Variants in CRTAC1 observed in about 807,000 individuals in gnomAD.
CRTAC1 encodes the protein cartilage acidic protein 1, also known as acidic secreted protein in cartilage.
Under a neutral mutation model 67.8 loss-of-function variants are expected in CRTAC1, and 37 were observed. The observed-to-expected ratio is 0.55, with a 90% CI of 0.42 to 0.72. The LOEUF is 0.72. Ranked by LOEUF, CRTAC1 falls within the 30% of genes least tolerant of loss-of-function variation. The pLI is 0.00. For missense variants in CRTAC1, 780 were observed against 931.6 expected, an observed-to-expected ratio of 0.84 and a Z score of 2.12; for synonymous variants, 348 against 371.0, an observed-to-expected ratio of 0.94 and a Z score of 0.71.
intron 8 of CRTAC1, among the ~76,000 whole-genome samples, chr10:97,897,942 G>A (rs1248013882): frequency 6.6e-6 from 1 of 152,204 alleles, no homozygotes; most frequent in Non-Finnish European, 1.5e-5. Flanking sequence ...GAGGGGGTCG[G>A]AGTCCCCTGA....
intron 8 of CRTAC1, among the ~76,000 whole-genome samples, chr10:97,898,167 T>C (rs912734812): frequency 1.3e-5 from 2 of 152,356 alleles, no homozygotes; most frequent in South Asian, 4.1e-4. Flanking sequence ...TTCCACTGTA[T>C]TTCTGTGTTC....
At chr10:97,963,208 C>T (rs975922334) in intron 2 of CRTAC1, among the ~76,000 whole-genome samples, 1 of 152,156 alleles carries the variant, frequency 6.6e-6, no homozygotes, top group African/African-American at 2.4e-5. Flanking sequence ...GGCGTCCCAA[C>T]CCTCCCTACT....
At chr10:98,000,340 C>A (rs950533944) in intron 2 of CRTAC1, among the ~76,000 whole-genome samples, 1 of 152,234 alleles carries the variant, frequency 6.6e-6, no homozygotes, top group Non-Finnish European at 1.5e-5. Context: ...CAGTTCCCAG[C>A]ATCTCTAAGC....
chr10:97,903,237 T>C (rs939430814), intron 7 of CRTAC1, among the ~76,000 whole-genome samples: 2 of 146,162 alleles, frequency 1.4e-5, no homozygotes, highest in Non-Finnish European at 3.0e-5. Context: ...CTTTGTGCAC[T>C]GTAGGGTGTT....
intron 4 of CRTAC1, among the ~76,000 whole-genome samples, chr10:97,919,052 C>T (rs563003926): frequency 1.3e-5 from 2 of 152,158 alleles, no homozygotes; most frequent in Admixed American, 6.5e-5. Flanking sequence ...CCTCAGCCTC[C>T]CAAAGTGCTG....
intron 3 of CRTAC1, among the ~76,000 whole-genome samples, chr10:97,934,695 G>C (rs1196104494): frequency 6.6e-6 from 1 of 152,166 alleles, no homozygotes; most frequent in Non-Finnish European, 1.5e-5. Flanking sequence ...CCTCCAGGAG[G>C]TTGGGAGGTC....
intron 5 of CRTAC1, among the ~76,000 whole-genome samples, chr10:97,911,476 A>G (rs1188194895): frequency 1.3e-5 from 2 of 152,196 alleles, no homozygotes; most frequent in African/African-American, 4.8e-5. Context: ...GATGTTACCC[A>G]CACCTCCTTC....
intron 1 of CRTAC1, among the ~76,000 whole-genome samples, chr10:98,023,000 A>G (rs557797328): frequency 6.6e-6 from 1 of 152,248 alleles, no homozygotes; most frequent in African/African-American, 2.4e-5. Context: ...CACTATTTAA[A>G]AGGATCCTCC....
At position 97,904,962 on chromosome 10, in the gene CRTAC1, C is replaced by T. The variant is rs942841131; in HGVS notation, c.851-148G>A. 6.6e-5 allele frequency: 60 copies of T among 903,210 alleles called. No individual in the cohort carries two copies. In the South Asian group the frequency reaches 6.9e-4, roughly 10 times the overall value. 55.9% of individuals were successfully genotyped at this position (903,210 alleles called of 1,614,324 possible). The stretch of plus-strand genomic sequence containing the variant: ...GATACGGGAGACATAGCTGCAGTCT[C>T]AGAAGCTCTCTATAGGGGCAGGAAG... On this transcript the variant is annotated intron_variant, in intron 6 of 14. Transcript: ENST00000370597.
intron 5 of CRTAC1, among the ~76,000 whole-genome samples, chr10:97,914,221 T>TGG (rs2050727423): frequency 6.6e-6 from 1 of 152,092 alleles, no homozygotes; most frequent in Non-Finnish European, 1.5e-5. Context: ...ACTGGAGGTT[T>TGG]GGGGGGACAC....
chr10:97,879,865 T>TGGGGGGGG, intron 14 of CRTAC1: 7 of 226,622 alleles, frequency 3.1e-5, no homozygotes, highest in Non-Finnish European at 5.2e-5. Flanking sequence ...GGGGACGGGG[T>TGGGGGGGG]GGGGGTGGAG....
Position 98,030,398 on chromosome 10 carries a change from T to C in CRTAC1, c.24+51A>G, listed in dbSNP as rs534770105. The C allele has an allele frequency of 1.1e-5, 13 of 1,168,876 alleles. No homozygotes were observed. In the African/African-American group the frequency reaches 2.1e-4, roughly 19 times the overall value. 72.4% of individuals were successfully genotyped at this position (1,168,876 alleles called of 1,614,324 possible). A position where few individuals can be genotyped will look rare whatever the true frequency, so the allele number is the denominator to read the frequency against. ...GCGGATCCGGGGGGGCGCGCAGAGC[T>C]GGAGAAACTTTCTCCGCCTTAGGGT... On this transcript the variant is annotated intron_variant, in intron 1 of 14. Coordinates refer to ENST00000370597, the MANE Select transcript of CRTAC1 (RefSeq NM_018058.7). The surrounding 1 kb of genome is among the most constrained non-coding windows in gnomAD (Gnocchi z 4.2).
Position 97,897,003 on chromosome 10 carries a change from G to A in CRTAC1, c.1134-12C>T, listed in dbSNP as rs538153781. The stretch of plus-strand genomic sequence containing the variant: ...CTCTACGGATGACGCTGCAGGAGAG[G>A]AGACAGGCTTGCTCTGGTGGGGTCT... On this transcript the variant is annotated splice_polypyrimidine_tract_variant and intron_variant, in intron 8 of 14. Transcript: ENST00000370597. 1 of 1,550,852 alleles carries A rather than the reference G, an allele frequency of 6.4e-7. No homozygotes were observed. Among genetic ancestry groups the A allele is most frequent in the African/African-American group, 1.4e-5 (1 of 73,394 alleles).
chr10:97,918,964 T>C (rs1224770721), intron 4 of CRTAC1, among the ~76,000 whole-genome samples: 1 of 152,064 alleles, frequency 6.6e-6, no homozygotes, highest in African/African-American at 2.4e-5. Flanking sequence ...TTGTATTTTT[T>C]AGTAGAGACA....
rs1843348254 is a variant in CRTAC1, at chr10:98,030,400, G to A, written c.24+49C>T. 1 of 1,193,126 alleles carries A rather than the reference G, an allele frequency of 8.4e-7. No homozygotes were observed. The highest frequency in any genetic ancestry group is 1.1e-6 in the Non-Finnish European group (1 of 937,824). The allele number at this position is 1,193,126 out of a possible 1,614,324, so 73.9% of individuals were successfully genotyped here. ...GGATCCGGGGGGGCGCGCAGAGCTG[G>A]AGAAACTTTCTCCGCCTTAGGGTGG... On this transcript the variant is annotated intron_variant, in intron 1 of 14. Coordinates refer to ENST00000370597, the MANE Select transcript of CRTAC1 (RefSeq NM_018058.7). The surrounding 1 kb of genome is among the most constrained non-coding windows in gnomAD (Gnocchi z 4.2).
chr10:98,025,990 A>C (rs1843225623), intron 1 of CRTAC1, among the ~76,000 whole-genome samples: 1 of 152,254 alleles, frequency 6.6e-6, no homozygotes, highest in African/African-American at 2.4e-5. Flanking sequence ...CCATCAGCCC[A>C]GATATTGCTG....
intron 11 of CRTAC1, among the ~76,000 whole-genome samples, chr10:97,893,846 A>G (rs1460342375): frequency 6.6e-6 from 1 of 152,170 alleles, no homozygotes; most frequent in Non-Finnish European, 1.5e-5. Flanking sequence ...AAAATCTACC[A>G]TACGTGACTT....
intron 11 of CRTAC1, among the ~76,000 whole-genome samples, chr10:97,893,963 T>C (rs1164505067): frequency 6.6e-6 from 1 of 152,236 alleles, no homozygotes; most frequent in Non-Finnish European, 1.5e-5. Context: ...CTGAATAATA[T>C]TCCATGGAAG....
chr10:97,936,463 G>A (rs895576831), intron 2 of CRTAC1, 97 bp from the exon 3 acceptor site: 6 of 975,774 alleles, frequency 6.1e-6, no homozygotes, highest in East Asian at 2.6e-5. Flanking sequence ...TCCCGGACAC[G>A]CCATGGGGCA....
Sources: gnomAD v4.1 joint callset for allele counts (sites outside exome capture counted in the v4.1 genomes callset) on GRCh38, gnomAD v4.1.1 for gene constraint, Gnocchi (gnomAD v3.1) non-coding constraint, MANE v1.5 for transcripts, NCBI Gene and HGNC (gene_info 2026-07-23, HGNC 2026-07-21) for gene names.